Variants in RERE observed in about 807,000 individuals in gnomAD.
RERE encodes the protein arginine-glutamic acid dipeptide repeats, also known as arginine-glutamic acid dipeptide repeats protein.
RERE carries 40 observed loss-of-function variants against 146.1 expected under a neutral mutation model. The ratio of observed to expected loss-of-function variants is 0.27; its 90% CI spans 0.21 to 0.36. RERE has a LOEUF of 0.36. Ranked by LOEUF, RERE falls within the 10% of genes least tolerant of loss-of-function variation. The pLI, the probability that RERE is intolerant of heterozygous loss-of-function variation, is 1.00. For missense variants in RERE, 1,933 were observed against 2,138.7 expected (o/e 0.90, Z 1.90); for synonymous variants, 1,003 against 866.0 (o/e 1.16, Z -2.78).
At chr1:8,386,020 ATATTTTTTTTTTTT>A (rs1320432365) in intron 12 of RERE, among the ~76,000 whole-genome samples, 140 of 36,676 alleles carry the variant, frequency 3.8e-3, no homozygotes, top group African/African-American at 0.017. Flanking sequence ...ATATATATAT[ATATTTTTTTTTTTT>A]TTTTTTTTTT....
chr1:8,589,353 T>C (rs1305695527), intron 4 of RERE, among the ~76,000 whole-genome samples: 1 of 152,072 alleles, frequency 6.6e-6, no homozygotes, highest in Non-Finnish European at 1.5e-5. Flanking sequence ...GGCAGAAGAA[T>C]CAGTTGAATC....
chr1:8,423,639 G>A lies in RERE; in HGVS notation c.1204-832C>T, dbSNP rs1168439633. 1 of 984,890 alleles carries A rather than the reference G, an allele frequency of 1.0e-6. No homozygotes were observed. The highest frequency in any genetic ancestry group is 1.2e-6 in the Non-Finnish European group (1 of 829,788). The allele number at this position is 984,890 out of a possible 1,614,324, so 61.0% of individuals were successfully genotyped here. The stretch of plus-strand genomic sequence containing the variant: ...CGCCCGGGGTCCGGGGCGGCAAGAG[G>A]CCGTCGCCTGTCACTGGGCTCCGGC... On this transcript the variant is annotated intron_variant, in intron 11 of 22. Transcript: ENST00000400908. The surrounding 1 kb of genome is among the most constrained non-coding windows in gnomAD (Gnocchi z 5.4).
chr1:8,725,259 G>T (rs1358085274), intron 1 of RERE, among the ~76,000 whole-genome samples: 4 of 152,116 alleles, frequency 2.6e-5, no homozygotes, highest in African/African-American at 9.7e-5. Context: ...AAAAATAGTT[G>T]TAACTACGTC....
chr1:8,415,608 C>A (rs1415383545), intron 12 of RERE, among the ~76,000 whole-genome samples: 1 of 152,192 alleles, frequency 6.6e-6, no homozygotes, highest in Non-Finnish European at 1.5e-5. Flanking sequence ...TTTAAAAAGT[C>A]ACCCAATTTT....
intron 1 of RERE, among the ~76,000 whole-genome samples, chr1:8,701,019 G>T (rs887097591): frequency 6.6e-6 from 1 of 151,972 alleles, no homozygotes; most frequent in Non-Finnish European, 1.5e-5. Context: ...CATGGGAGAG[G>T]GATTAAGAAA....
intron 1 of RERE, among the ~76,000 whole-genome samples, chr1:8,711,157 CAAAAAAAAAAAAAAA>C (rs57814312): frequency 8.8e-5 from 6 of 68,248 alleles, no homozygotes; most frequent in South Asian, 8.2e-4. Context: ...ACTCTGTCTC[CAAAAAAAAAAAAAAA>C]AAAAAAAAAA....
intron 1 of RERE, among the ~76,000 whole-genome samples, chr1:8,702,155 C>T (rs1639466352): frequency 6.6e-6 from 1 of 151,650 alleles, no homozygotes; most frequent in South Asian, 2.1e-4. Context: ...TCAACTTTTA[C>T]TCAGTGTCTC....
intron 12 of RERE, among the ~76,000 whole-genome samples, chr1:8,396,725 T>TAATA (rs1643069347): frequency 6.6e-6 from 1 of 152,212 alleles, no homozygotes; most frequent in African/African-American, 2.4e-5. Flanking sequence ...CAGAGGCAGT[T>TAATA]AATACATCTA....
chr1:8,552,813 C>A (rs565779695), intron 6 of RERE, among the ~76,000 whole-genome samples: 1 of 152,222 alleles, frequency 6.6e-6, no homozygotes, highest in East Asian at 1.9e-4. Context: ...GTGACAGCAA[C>A]GCGACCCTGC....
chr1:8,396,411 G>A (rs1316577889), intron 12 of RERE, among the ~76,000 whole-genome samples: 1 of 152,150 alleles, frequency 6.6e-6, no homozygotes, highest in Non-Finnish European at 1.5e-5. Flanking sequence ...AGAGCCGAGA[G>A]GAAACCAGTC....
intron 8 of RERE, among the ~76,000 whole-genome samples, chr1:8,502,808 AAACAT>A: frequency 6.8e-6 from 1 of 147,528 alleles, no homozygotes; most frequent in Non-Finnish European, 1.5e-5. Flanking sequence ...GTGCTCTCTG[AAACAT>A]GTGCTGTGTC....
intron 4 of RERE, among the ~76,000 whole-genome samples, chr1:8,583,888 AC>A (rs1217903976): frequency 6.6e-5 from 10 of 152,038 alleles, no homozygotes; most frequent in Non-Finnish European, 1.3e-4. Context: ...AGTACATTAT[AC>A]AAACCTCATA....
At chr1:8,446,983 C>T (rs893556479) in intron 11 of RERE, among the ~76,000 whole-genome samples, 1 of 151,752 alleles carries the variant, frequency 6.6e-6, no homozygotes, top group African/African-American at 2.4e-5. Context: ...CGGGCCTGTT[C>T]ATTTCTTTTC....
At chr1:8,665,687 G>A (rs1405308097) in intron 1 of RERE, among the ~76,000 whole-genome samples, 1 of 152,160 alleles carries the variant, frequency 6.6e-6, no homozygotes, top group African/African-American at 2.4e-5. Flanking sequence ...AGTAGAGCAG[G>A]TGGAAGGGAT....
Position 8,365,816 on chromosome 1 carries a change from T to A in RERE, c.1443A>T (p.Glu481Asp), listed in dbSNP as rs1395820868. The change falls in exon 13 of 23, where the codon GAA becomes GAT. Residue 481 changes from glutamate to aspartate, a missense_variant. Coordinates refer to ENST00000400908, the MANE Select transcript of RERE (RefSeq NM_001042681.2). ...VNTPSRPPSSEFLDLSSASED... is the reference protein window; with the variant it reads ...VNTPSRPPSSDFLDLSSASED... ...GATGCCAAGACCCCTACTCACAGAA[T>A]TCACTGGACGGGGGTCTGGAGGGTG... is the stretch of plus-strand genomic sequence containing the variant. The A allele has an allele frequency of 6.2e-7, 1 of 1,614,070 alleles. No individual in the cohort carries two copies. The highest frequency in any genetic ancestry group is 8.5e-7 in the Non-Finnish European group (1 of 1,179,990).
intron 10 of RERE, among the ~76,000 whole-genome samples, chr1:8,493,633 C>T (rs77478058): frequency 0.015 from 2,222 of 152,112 alleles, 50 homozygotes; most frequent in African/African-American, 0.05. Flanking sequence ...GTCATCTAGC[C>T]GCCTCGGATT....
rs1445967585 is a variant in RERE at position 8,358,848 on chromosome 1, C to T, written c.3687G>A (p.Arg1229=). The T allele has an allele frequency of 1.2e-6, 2 of 1,601,490 alleles. No homozygotes were observed. Among genetic ancestry groups the T allele is most frequent in the East Asian group, 2.2e-5 (1 of 44,800 alleles). ...TGGTTGGTGGTGGCTCGAAGGATGG[C>T]CGCATGTGGCCAGGACCACTGAGCT... ...DPQLSGPGHM[R]PSFEPPPTTI... Residue 1229 remains arginine, a synonymous_variant, in exon 20 of 23, where the codon CGG becomes CGA. Transcript: ENST00000400908.
chr1:8,495,299 T>G (rs1645030952), intron 9 of RERE, 137 bp from the exon 10 acceptor site: 3 of 571,460 alleles, frequency 5.2e-6, no homozygotes, highest in Non-Finnish European at 9.3e-6. Flanking sequence ...TTCCCAGCTC[T>G]GCCTCTGCTC....
At chr1:8,510,990 A>C (rs1412465892) in intron 7 of RERE, among the ~76,000 whole-genome samples, 1 of 152,104 alleles carries the variant, frequency 6.6e-6, no homozygotes, top group Non-Finnish European at 1.5e-5. Context: ...CCTGGGCTCA[A>C]AGGGACCCCC....
Sources: allele counts gnomAD v4.1 joint callset (sites outside exome capture counted in the v4.1 genomes callset), GRCh38; gene constraint gnomAD v4.1.1; non-coding constraint Gnocchi (gnomAD v3.1); transcripts MANE v1.5; gene names NCBI Gene and HGNC (gene_info 2026-07-23, HGNC 2026-07-21).